The following NRG1 variants were observed in gnomAD, a reference collection of about 807,000 sequenced individuals.
NRG1 encodes neuregulin 1.
Under a neutral mutation model 63.8 loss-of-function variants are expected in NRG1, and 18 were observed. The observed-to-expected ratio is 0.28, with a 90% CI of 0.19 to 0.42. NRG1 has a LOEUF of 0.42. Among genes scored for constraint, NRG1 ranks in the 10% least tolerant of loss-of-function variants. The probability of loss-of-function intolerance (pLI) is 1.00; values close to 1 mark genes in which losing one functional copy is unlikely to be tolerated. For missense variants in NRG1, 762 were observed against 814.7 expected, an observed-to-expected ratio of 0.94 and a Z score of 0.79; for synonymous variants, 302 against 301.3, an observed-to-expected ratio of 1.00 and a Z score of -0.02.
chr8:31,795,929 A>C (rs1821159653), intron 1 of NRG1, among the ~76,000 whole-genome samples: 2 of 152,190 alleles, frequency 1.3e-5, no homozygotes, highest in African/African-American at 4.8e-5. Flanking sequence ...TGTTTACAGT[A>C]CCTAGAACAG....
intron 1 of NRG1, among the ~76,000 whole-genome samples, chr8:32,012,608 A>G (rs58834928): frequency 0.025 from 3,855 of 152,182 alleles, 176 homozygotes; most frequent in African/African-American, 0.089. Context: ...CAGGGTTTAC[A>G]TTTTGTCTCC....
rs71512609 is a variant in NRG1, at chr8:32,108,605, T to C, written c.37+469174T>C. On this transcript the variant is annotated intron_variant, in intron 1 of 10. Coordinates refer to the NRG1 transcript ENST00000519301. ...CATATTATTACTAATCAGTTGACCT[T>C]AAAATAGATAATCCTGGATGATCTC... is the stretch of plus-strand genomic sequence containing the variant. 9.8e-3 allele frequency among the ~76,000 whole-genome samples: 1,491 copies of C among 152,058 alleles called. 11 individuals carry two copies. Among genetic ancestry groups the C allele is most frequent in the Non-Finnish European group, 0.016 (1,058 of 67,988 alleles).
intron 5 of NRG1, among the ~76,000 whole-genome samples, chr8:32,620,788 C>T (rs1221770787): frequency 6.6e-6 from 1 of 151,856 alleles, no homozygotes; most frequent in Non-Finnish European, 1.5e-5. Flanking sequence ...AACCACTGCA[C>T]TCCAGCCTGG....
chr8:32,543,240 C>A lies in NRG1; in HGVS notation c.38-52588C>A, dbSNP rs142339998. Among the ~76,000 whole-genome samples the A allele has an allele frequency of 4.9e-3, 743 of 152,170 alleles. 4 individuals carry two copies. Among genetic ancestry groups the A allele is most frequent in the Non-Finnish European group, 7.5e-3 (511 of 68,018 alleles). Reference sequence around the variant, plus strand: ...AGTAAAGGGAATGAGAAATTATATACCCAGATACATATATATTGACACACA... The same window carrying A: ...AGTAAAGGGAATGAGAAATTATATAACCAGATACATATATATTGACACACA... On this transcript the variant is annotated intron_variant, in intron 1 of 10. Transcript: ENST00000519301.
intron 1 of NRG1, among the ~76,000 whole-genome samples, chr8:32,278,839 GCCACCCA>G (rs1342457173): frequency 6.6e-6 from 1 of 152,174 alleles, no homozygotes; most frequent in Non-Finnish European, 1.5e-5. Context: ...CATGTCCCCA[GCCACCCA>G]CCACTGTGCA....
chr8:32,132,257 A>T (rs1834926022), intron 1 of NRG1, among the ~76,000 whole-genome samples: 1 of 152,078 alleles, frequency 6.6e-6, no homozygotes. Context: ...TGAAGGAGAA[A>T]AGCAAGTTTT....
chr8:32,006,430 C>T (rs142844609), intron 1 of NRG1, among the ~76,000 whole-genome samples: 1 of 152,148 alleles, frequency 6.6e-6, no homozygotes, highest in Non-Finnish European at 1.5e-5. Context: ...TTTTCATTCC[C>T]ATGATTGTCT....
At position 32,345,072 on chromosome 8, in the gene NRG1, A is replaced by C. The variant is rs531820392; in HGVS notation, c.38-250756A>C. 5.3e-5 allele frequency among the ~76,000 whole-genome samples: 8 copies of C among 152,276 alleles called. No homozygotes were observed. In the East Asian group the frequency reaches 1.5e-3, roughly 29 times the overall value. On this transcript the variant is annotated intron_variant, in intron 1 of 10. Transcript: ENST00000519301. ...TTGGCCTCTCCATCACTTCCTCTGC[A>C]GGTGATGTAGACATCATTTCTGCTG... is the stretch of plus-strand genomic sequence containing the variant.
intron 1 of NRG1, among the ~76,000 whole-genome samples, chr8:32,297,954 A>G (rs1405649569): frequency 6.6e-6 from 1 of 152,268 alleles, no homozygotes; most frequent in Non-Finnish European, 1.5e-5. Flanking sequence ...CTGTACTACT[A>G]GAAGCGAACT....
chr8:32,737,149 G>A, intron 6 of NRG1, among the ~76,000 whole-genome samples: 1 of 152,106 alleles, frequency 6.6e-6, no homozygotes, highest in East Asian at 1.9e-4. Flanking sequence ...CAAGATAACA[G>A]ACTTACTTTT....
chr8:32,182,398 C>T (rs1356120092), intron 1 of NRG1, among the ~76,000 whole-genome samples: 2 of 152,172 alleles, frequency 1.3e-5, no homozygotes, highest in Non-Finnish European at 2.9e-5. Context: ...AGGCATGCGC[C>T]ACCATACCCA....
chr8:32,177,120 C>G (rs111589352), intron 1 of NRG1, among the ~76,000 whole-genome samples: 4 of 151,976 alleles, frequency 2.6e-5, no homozygotes, highest in Non-Finnish European at 4.4e-5. Flanking sequence ...AAATGTGGCA[C>G]ATATACACCA....
chr8:32,386,675 T>C (rs1200915231), intron 1 of NRG1, among the ~76,000 whole-genome samples: 4 of 152,176 alleles, frequency 2.6e-5, no homozygotes, highest in African/African-American at 9.6e-5. Context: ...TTCTCCCAGT[T>C]TGGGCAGAAA....
At chr8:32,654,412 T>A (rs558840090) in intron 5 of NRG1, among the ~76,000 whole-genome samples, 80 of 152,118 alleles carry the variant, frequency 5.3e-4, no homozygotes, top group Admixed American at 8.5e-4. Context: ...GAGGATCACC[T>A]GAGGTCAGGA....
intron 5 of NRG1, among the ~76,000 whole-genome samples, chr8:32,640,662 A>G: frequency 6.6e-6 from 1 of 150,652 alleles, no homozygotes; most frequent in East Asian, 2.0e-4. Flanking sequence ...ACACACACAC[A>G]GAAACTAGTA....
intron 1 of NRG1, among the ~76,000 whole-genome samples, chr8:32,510,372 AAAAT>A (rs1163977514): frequency 6.6e-6 from 1 of 151,954 alleles, no homozygotes; most frequent in African/African-American, 2.4e-5. Context: ...AAAAAAATAA[AAAAT>A]AAAAAAAGGA....
In NRG1 at chr8:32,773,777, G is replaced by C. The variant is rs139463231; in HGVS notation, c.942+13371G>C. Among the ~76,000 whole-genome samples the C allele has an allele frequency of 2.6e-4, 39 of 152,086 alleles. No homozygotes were observed. The East Asian group carries it at 7.2e-3, about 28-fold the overall frequency. ...CTTATTGTGTCAATCTCCTGGTTACGGCCCCTCCATGGCTCCCCACCTGAC... is the reference window on the plus strand; with the variant it reads ...CTTATTGTGTCAATCTCCTGGTTACCGCCCCTCCATGGCTCCCCACCTGAC... On this transcript the variant is annotated intron_variant, in intron 7 of 7. Transcript: ENST00000651335.
intron 3 of NRG1, among the ~76,000 whole-genome samples, chr8:32,607,629 A>G (rs937653586): frequency 1.4e-4 from 21 of 152,060 alleles, no homozygotes; most frequent in Admixed American, 8.5e-4. Context: ...GGCTTTTTAC[A>G]TTTCTTACAT....
At chr8:32,044,707 T>C (rs772064075) in intron 1 of NRG1, among the ~76,000 whole-genome samples, 3 of 149,484 alleles carry the variant, frequency 2.0e-5, no homozygotes, top group Non-Finnish European at 3.0e-5. Context: ...CACTTCTAAA[T>C]ACTCTACAGT....
Sources: allele counts gnomAD v4.1 joint callset (sites outside exome capture counted in the v4.1 genomes callset), GRCh38; gene constraint gnomAD v4.1.1; transcripts MANE v1.5; gene names NCBI Gene and HGNC (gene_info 2026-07-23, HGNC 2026-07-21).